Variants in CSMD3 observed in about 807,000 individuals in gnomAD.
The protein encoded by CSMD3 is CUB and Sushi multiple domains 3.
In CSMD3, 177 loss-of-function variants were observed where a neutral mutation model predicts 435.2. That is an observed-to-expected ratio of 0.41 (90% confidence interval 0.36 to 0.46). The LOEUF (loss-of-function observed/expected upper bound fraction) is 0.46. Among genes scored for constraint, CSMD3 ranks in the 20% least tolerant of loss-of-function variants. The pLI is 0.34. For synonymous variants in CSMD3, 1,656 were observed against 1,520.5 expected, an observed-to-expected ratio of 1.09 and a Z score of -2.07; for missense variants, 4,265 against 4,504.6, an observed-to-expected ratio of 0.95 and a Z score of 1.52.
intron 5 of CSMD3, among the ~76,000 whole-genome samples, chr8:113,097,542 C>T (rs2090202151): frequency 1.3e-5 from 2 of 151,856 alleles, no homozygotes; most frequent in Admixed American, 6.6e-5. Context: ...TCATTTTATC[C>T]TCTTTCTATA....
At chr8:112,928,680 T>C (rs2082993648) in intron 9 of CSMD3, among the ~76,000 whole-genome samples, 1 of 149,878 alleles carries the variant, frequency 6.7e-6, no homozygotes, top group African/African-American at 2.4e-5. Context: ...CTTAATCCAG[T>C]CTATCATTGT....
rs200918715 is a variant in CSMD3, at chr8:112,679,087, T to TTTG, written c.2677+3354_2677+3355insCAA. 1.9e-3 allele frequency among the ~76,000 whole-genome samples: 211 copies of TTTG among 110,668 alleles called. 1 individual carries two copies. The highest frequency in any genetic ancestry group is 5.8e-3 in the Admixed American group (68 of 11,678). 72.6% of individuals were successfully genotyped at this position (110,668 alleles called of 152,430 possible). A position where few individuals can be genotyped will look rare whatever the true frequency, so the allele number is the denominator to read the frequency against. On this transcript the variant is annotated intron_variant, in intron 16 of 70. Transcript: ENST00000297405. ...GGAATGGTGGGGGGATGGGGCAGGT[T>TTTG]TTTTTTTTTTTTTTTTTAAATTAGG...
intron 32 of CSMD3, among the ~76,000 whole-genome samples, chr8:112,437,255 T>C (rs563992894): frequency 6.7e-6 from 1 of 150,060 alleles, no homozygotes; most frequent in Non-Finnish European, 1.5e-5. Context: ...ATTTCCAACA[T>C]GTTCCACATG....
chr8:112,313,783 G>C (rs1413459289), intron 49 of CSMD3, 123 bp downstream of exon 49: 6 of 746,128 alleles, frequency 8.0e-6, no homozygotes, highest in African/African-American at 1.7e-5. Flanking sequence ...AATTGTCCAG[G>C]AACCATCAAT....
chr8:112,824,446 C>A (rs181243797), intron 12 of CSMD3, among the ~76,000 whole-genome samples: 1 of 152,084 alleles, frequency 6.6e-6, no homozygotes, highest in Non-Finnish European at 1.5e-5. Flanking sequence ...TGGTACTTGT[C>A]TTTCCTTTCC....
chr8:112,275,002 T>C (rs1490601338), intron 59 of CSMD3, among the ~76,000 whole-genome samples: 1 of 152,116 alleles, frequency 6.6e-6, no homozygotes, highest in Non-Finnish European at 1.5e-5. Context: ...AAAGAACCTT[T>C]TGATGCTTCA....
At chr8:112,834,415 T>C (rs934936662) in intron 11 of CSMD3, among the ~76,000 whole-genome samples, 6 of 151,892 alleles carry the variant, frequency 4.0e-5, no homozygotes, top group Admixed American at 3.9e-4. Flanking sequence ...AAATAAAAAT[T>C]AGCTTTGCCT....
chr8:113,098,368 C>T (rs1044254082), intron 5 of CSMD3, among the ~76,000 whole-genome samples: 2 of 151,890 alleles, frequency 1.3e-5, no homozygotes, highest in African/African-American at 4.8e-5. Context: ...AGAAACAAAC[C>T]ATATTCCCCC....
intron 4 of CSMD3, among the ~76,000 whole-genome samples, chr8:113,153,172 A>AAGGAAGGAAAGGAGGAAGGGAGGG (rs1564371108): frequency 7.1e-6 from 1 of 140,586 alleles, no homozygotes; most frequent in Non-Finnish European, 1.6e-5. Context: ...GGAAGGAAGG[A>AAGGAAGGAAAGGAGGAAGGGAGGG]AAGAAGGAAG....
chr8:112,229,352 A>G (rs17553961), intron 69 of CSMD3, among the ~76,000 whole-genome samples: 4,749 of 152,320 alleles, frequency 0.031, 118 homozygotes, highest in Non-Finnish European at 0.051. Context: ...AGGTTAAAAG[A>G]ATAAACTATG....
chr8:112,955,515 T>C (rs1184953900), intron 7 of CSMD3, among the ~76,000 whole-genome samples: 1 of 151,840 alleles, frequency 6.6e-6, no homozygotes, highest in Non-Finnish European at 1.5e-5. Flanking sequence ...TGTCTTTGTG[T>C]TGAAAATATT....
chr8:113,215,338 G>C (rs1013317376), intron 3 of CSMD3, among the ~76,000 whole-genome samples: 6 of 151,640 alleles, frequency 4.0e-5, no homozygotes, highest in African/African-American at 1.2e-4. Flanking sequence ...ATACACAAAA[G>C]GAAAGATAAA....
In CSMD3 at chr8:112,699,530, T is replaced by C. The variant is rs184954262; in HGVS notation, c.1973-9480A>G. Among the ~76,000 whole-genome samples, 135 of 152,330 alleles carry C rather than the reference T, an allele frequency of 8.9e-4. 1 individual carries two copies. Among genetic ancestry groups the C allele is most frequent in the African/African-American group, 3.1e-3 (129 of 41,582 alleles). On this transcript the variant is annotated intron_variant, in intron 13 of 70. Transcript: ENST00000297405. ...TGGTTGTGGATTTTTGGCTGGATGTTTGATAAAAAATAAGATATTACCTCT... is the reference window on the plus strand; with the variant it reads ...TGGTTGTGGATTTTTGGCTGGATGTCTGATAAAAAATAAGATATTACCTCT...
intron 5 of CSMD3, among the ~76,000 whole-genome samples, chr8:113,038,840 C>T (rs184452520): frequency 1.7e-3 from 252 of 152,184 alleles, no homozygotes; most frequent in African/African-American, 5.7e-3. Flanking sequence ...GTATTTGTAA[C>T]GGTTATAGTC....
intron 27 of CSMD3, among the ~76,000 whole-genome samples, chr8:112,549,770 C>G (rs1827512339): frequency 6.6e-6 from 1 of 151,856 alleles, no homozygotes; most frequent in Non-Finnish European, 1.5e-5. Context: ...ATTGTTATTC[C>G]TACGTCAATT....
chr8:112,335,205 T>C, intron 45 of CSMD3, 124 bp downstream of exon 45: 1 of 929,076 alleles, frequency 1.1e-6, no homozygotes, highest in Non-Finnish European at 1.7e-6. Context: ...AAAGTTACTG[T>C]GATTATAAAA....
At chr8:112,699,193 G>A (rs377055127) in intron 13 of CSMD3, among the ~76,000 whole-genome samples, 3 of 151,968 alleles carry the variant, frequency 2.0e-5, no homozygotes, top group Admixed American at 6.6e-5. Flanking sequence ...CTCACTCTTC[G>A]GGTCCGCAGT....
intron 22 of CSMD3, among the ~76,000 whole-genome samples, chr8:112,603,145 C>T (rs552291123): frequency 9.2e-5 from 14 of 152,286 alleles, no homozygotes; most frequent in East Asian, 5.8e-4. Context: ...CTCAAAGTGT[C>T]GGGATTGCAG....
chr8:112,224,955 T>C, intron 70 of CSMD3, 25 bp from the exon 71 acceptor site: 1 of 1,609,648 alleles, frequency 6.2e-7, no homozygotes, highest in South Asian at 1.1e-5. Flanking sequence ...ATTGATTAGC[T>C]ATGTGTTAAC....
Sources: gnomAD v4.1 joint callset for allele counts (sites outside exome capture counted in the v4.1 genomes callset) on GRCh38, gnomAD v4.1.1 for gene constraint, MANE v1.5 for transcripts, NCBI Gene and HGNC (gene_info 2026-07-23, HGNC 2026-07-21) for gene names.